DSC2: variants seen among roughly 807,000 people sequenced by gnomAD.
The protein encoded by DSC2 is desmocollin 2, also known as desmocollin-2.
Under a neutral mutation model 87.6 loss-of-function variants are expected in DSC2, and 51 were observed. The observed-to-expected ratio is 0.58, with a 90% CI of 0.46 to 0.74. DSC2 has a LOEUF of 0.74. DSC2 is among the 30% of genes least tolerant of loss of function. The pLI is 0.00. For synonymous variants in DSC2, 383 were observed against 393.2 expected (o/e 0.97, Z 0.31); for missense variants, 1,066 against 1,089.5 (o/e 0.98, Z 0.30).
chr18:31,070,403 A>G lies in DSC2; in HGVS notation c.2250+323T>C, dbSNP rs556137862. On this transcript the variant is annotated intron_variant, in intron 14 of 15. Transcript: ENST00000280904. ...TGTTGGTAAACCGTGAATAATTAAA[A>G]GCAGCATTTTTACAGCACAAACAGC... is the stretch of plus-strand genomic sequence containing the variant. Among the ~76,000 whole-genome samples the G allele has an allele frequency of 3.3e-5, 5 of 152,370 alleles. No individual in the cohort carries two copies. The South Asian group carries it at 8.3e-4, about 25-fold the overall frequency.
At chr18:31,083,139 T>C in intron 7 of DSC2, 79 bp from the exon 8 acceptor site, 1 of 1,508,648 alleles carries the variant, frequency 6.6e-7, no homozygotes, top group Non-Finnish European at 9.0e-7. Context: ...ACTCCATAAT[T>C]TTTTTGCACT....
At chr18:31,087,846 A>AAATAATCT in intron 5 of DSC2, 33 bp from the exon 6 acceptor site, 1 of 1,611,078 alleles carries the variant, frequency 6.2e-7, no homozygotes, top group Non-Finnish European at 8.5e-7. Context: ...AGAAAAGTGA[A>AAATAATCT]AATAATCTTT....
At chr18:31,083,085 T>G (rs1388198727) in intron 7 of DSC2, 25 bp from the exon 8 acceptor site, 1 of 1,603,268 alleles carries the variant, frequency 6.2e-7, no homozygotes, top group Admixed American at 1.7e-5. Context: ...AGAATTTAAT[T>G]ATTGGGGGAA....
Position 31,069,131 on chromosome 18 carries a change from T to A in DSC2, c.2271A>T (p.Thr757=). 1 of 1,614,150 alleles carries A rather than the reference T, an allele frequency of 6.2e-7. No individual in the cohort carries two copies. The highest frequency in any genetic ancestry group is 2.2e-5 in the East Asian group (1 of 44,876). Residue 757 remains threonine, a synonymous_variant, in exon 15 of 16, where the codon ACA becomes ACT. Transcript: ENST00000280904. ...GAGCAGAAGCGCCCACAGTTTGGGT[T>A]GTGAAGCCATTCGCAGAATACTGAA... is the stretch of plus-strand genomic sequence containing the variant. ...DDKVYSANGF[T]TQTVGASAQG... is the part of the protein sequence containing the mutation.
chr18:31,068,862 A>C, intron 15 of DSC2, 32 bp downstream of exon 15: 1 of 1,612,044 alleles, frequency 6.2e-7, no homozygotes, highest in Non-Finnish European at 8.5e-7. Flanking sequence ...AGAAAATTAA[A>C]ATAGATTTGT....
At chr18:31,079,640 A>AC (rs1220044548) in intron 11 of DSC2, among the ~76,000 whole-genome samples, 82 of 152,336 alleles carry the variant, frequency 5.4e-4, no homozygotes, top group African/African-American at 1.8e-3. Context: ...CTAAGAGTAA[A>AC]TTATTTTATA....
intron 4 of DSC2, 142 bp downstream of exon 4, chr18:31,090,886 C>T (rs1987570267): frequency 3.2e-6 from 4 of 1,234,734 alleles, no homozygotes; most frequent in Non-Finnish European, 4.6e-6. Flanking sequence ...TATATTTATA[C>T]CCTTATATGG....
rs750103770 is a variant in DSC2 at position 31,071,587 on chromosome 18, A to C, written c.2125+18T>G. 19 of 1,607,968 alleles carry C rather than the reference A, an allele frequency of 1.2e-5. 1 individual carries two copies. The East Asian group carries it at 4.2e-4, about 36-fold the overall frequency. ...TTAAAGGGTATTATTTGAATTCAAGAAAGGACTTAAGACTTACAAAAGAGC... is the reference window on the plus strand; with the variant it reads ...TTAAAGGGTATTATTTGAATTCAAGCAAGGACTTAAGACTTACAAAAGAGC... On this transcript the variant is annotated intron_variant, in intron 13 of 15. Transcript: ENST00000280904.
chr18:31,088,840 G>A (rs1987489663), intron 5 of DSC2, among the ~76,000 whole-genome samples: 1 of 151,942 alleles, frequency 6.6e-6, no homozygotes, highest in Non-Finnish European at 1.5e-5. Flanking sequence ...ATACTATAAA[G>A]AGGTTCACAG....
rs1420988974 is a variant in DSC2 at position 31,082,977 on chromosome 18, G to C, written c.1026C>G (p.Ile342Met). ...GGTCATTTACATCATCAATGTTAATGATACAAGTTGAAGTTGTCTGTAGAC... is the reference window on the plus strand; with the variant it reads ...GGTCATTTACATCATCAATGTTAATCATACAAGTTGAAGTTGTCTGTAGAC... ...YFGLQTTSTC[I>M]INIDDVNDHL... Residue 342 changes from isoleucine to methionine, a missense_variant, in exon 8 of 16, where the codon ATC (isoleucine) becomes ATG (methionine). Coordinates refer to ENST00000280904, the MANE Select transcript of DSC2 (RefSeq NM_024422.6). The C allele has an allele frequency of 6.2e-7, 1 of 1,613,508 alleles. No individual in the cohort carries two copies. Among genetic ancestry groups the C allele is most frequent in the Non-Finnish European group, 8.5e-7 (1 of 1,179,856 alleles).
intron 1 of DSC2, 38 bp from the exon 2 acceptor site, chr18:31,093,681 A>T: frequency 7.2e-7 from 1 of 1,393,844 alleles, no homozygotes; most frequent in Non-Finnish European, 9.8e-7. Flanking sequence ...TATTATGCAT[A>T]AAAAGAAAAC....
At chr18:31,088,877 T>C (rs1354899891) in intron 5 of DSC2, among the ~76,000 whole-genome samples, 2 of 151,964 alleles carry the variant, frequency 1.3e-5, no homozygotes, top group Non-Finnish European at 2.9e-5. Flanking sequence ...TAAGTAACTG[T>C]TCTTGGCCGG....
Position 31,092,355 on chromosome 18 carries a change from T to A in DSC2, c.155-55A>T, listed in dbSNP as rs1167203580. The A allele has an allele frequency of 8.6e-6, 13 of 1,519,914 alleles. No homozygotes were observed. The Admixed American group carries it at 1.9e-4, about 22-fold the overall frequency. The allele number at this position is 1,519,914 out of a possible 1,614,324, so 94.2% of individuals were successfully genotyped here. ...TAAAGTAAAACATAGGATATAGTTT[T>A]AACAGTAATGTATGCACGTGGGGAG... On this transcript the variant is annotated intron_variant, in intron 2 of 15. Coordinates refer to ENST00000280904, the MANE Select transcript of DSC2 (RefSeq NM_024422.6).
Position 31,089,164 on chromosome 18 carries a change from CAAA to C in DSC2, c.630+272_630+274del, listed in dbSNP as rs768405529. Among the ~76,000 whole-genome samples the C allele has an allele frequency of 1.2e-4, 12 of 102,850 alleles. No homozygotes were observed. In the East Asian group the frequency reaches 2.4e-3, roughly 21 times the overall value. 67.5% of individuals were successfully genotyped at this position (102,850 alleles called of 152,430 possible). The stretch of plus-strand genomic sequence containing the variant: ...TGGGTGGCAAAGTGAGATGCTGTCT[CAAA>C]AAAAAAAAAAAAAAAACTGTTCTTC... On this transcript the variant is annotated intron_variant, in intron 5 of 15. Coordinates refer to ENST00000280904, the MANE Select transcript of DSC2 (RefSeq NM_024422.6).
intron 3 of DSC2, chr18:31,091,530 C>T (rs1987599523): frequency 4.3e-6 from 2 of 460,866 alleles, no homozygotes; most frequent in Non-Finnish European, 8.7e-6. Flanking sequence ...CTTCCACTCA[C>T]CAGCAACTAG....
In DSC2 at chr18:31,089,524, G is replaced by A; in HGVS notation, c.545C>T (p.Pro182Leu). The A allele has an allele frequency of 6.2e-7, 1 of 1,613,918 alleles. No homozygotes were observed. The highest frequency in any genetic ancestry group is 8.5e-7 in the Non-Finnish European group (1 of 1,179,956). The part of the protein sequence containing the change: ...SIRGPGVDQE[P>L]RNLFYVERDT... Reference sequence around the variant, plus strand: ...TCTCTCCACATAAAATAAATTCCGAGGTTCTTGGTCAACTCCAGGACCTCT... The same window carrying A: ...TCTCTCCACATAAAATAAATTCCGAAGTTCTTGGTCAACTCCAGGACCTCT... The change falls in exon 5 of 16, where the codon CCT (proline) becomes CTT (leucine). Residue 182 changes from proline to leucine, a missense_variant. By Grantham distance (98) the Pro-to-Leu change is moderately conservative (BLOSUM62 -3). Coordinates refer to ENST00000280904, the MANE Select transcript of DSC2 (RefSeq NM_024422.6).
Position 31,089,579 on chromosome 18 carries a change from C to A in DSC2, c.490G>T (p.Ala164Ser), listed in dbSNP as rs978623916. ...LFLQQVQSDT[A>S]QNYTIYYSIR... is the part of the protein sequence containing the mutation. ...GAATAGTATATGGTATAGTTTTGGGCCGTGTCAGATTGAACCTAGAAAGTA... is the reference window on the plus strand; with the variant it reads ...GAATAGTATATGGTATAGTTTTGGGACGTGTCAGATTGAACCTAGAAAGTA... Residue 164 changes from alanine (A) to serine (S), a missense_variant, in exon 5 of 16, where the codon GCC (alanine) becomes TCC (serine). Coordinates refer to ENST00000280904, the MANE Select transcript of DSC2 (RefSeq NM_024422.6). The A allele has an allele frequency of 6.2e-7, 1 of 1,613,760 alleles. No individual in the cohort carries two copies. The highest frequency in any genetic ancestry group is 2.2e-5 in the East Asian group (1 of 44,834).
chr18:31,101,374 C>A lies in DSC2; in HGVS notation c.69+529G>T, dbSNP rs933555134. ...AAGGACACTCGCTCTCCGTCCCGGC[C>A]GCCCAGCGGTTCCCCTTTCCGTGGC... On this transcript the variant is annotated intron_variant, in intron 1 of 15. Coordinates refer to ENST00000280904, the MANE Select transcript of DSC2 (RefSeq NM_024422.6). The A allele has an allele frequency of 6.8e-6, 5 of 731,114 alleles. No homozygotes were observed. In the African/African-American group the frequency reaches 9.6e-5, roughly 14 times the overall value. 45.3% of individuals were successfully genotyped at this position (731,114 alleles called of 1,614,324 possible). A position where few individuals can be genotyped will look rare whatever the true frequency, so the allele number is the denominator to read the frequency against.
chr18:31,092,809 A>G (rs1042383893), intron 2 of DSC2, among the ~76,000 whole-genome samples: 3 of 152,172 alleles, frequency 2.0e-5, no homozygotes, highest in Admixed American at 6.5e-5. Context: ...ACAGAGTGAA[A>G]TATTTAAGAA....
Sources: gnomAD v4.1 joint callset for allele counts (sites outside exome capture counted in the v4.1 genomes callset) on GRCh38, gnomAD v4.1.1 for gene constraint, MANE v1.5 for transcripts, NCBI Gene and HGNC (gene_info 2026-07-23, HGNC 2026-07-21) for gene names.